The following FARS2 variants were observed in gnomAD, a reference collection of about 807,000 sequenced individuals.
FARS2 encodes phenylalanine--tRNA ligase, mitochondrial.
FARS2 carries 40 observed loss-of-function variants against 46.4 expected under a neutral mutation model. That is an observed-to-expected ratio of 0.86 (90% CI 0.67 to 1.12). The LOEUF is 1.12. FARS2 is among the 50% of genes most tolerant of loss of function. FARS2 has a pLI of 0.00. For missense variants in FARS2, 513 were observed against 567.9 expected (o/e 0.90, Z 0.98); for synonymous variants, 234 against 214.9 (o/e 1.09, Z -0.78).
intron 6 of FARS2, among the ~76,000 whole-genome samples, chr6:5,766,964 A>G (rs1762782627): frequency 1.3e-5 from 2 of 148,164 alleles, no homozygotes; most frequent in Admixed American, 6.8e-5. Flanking sequence ...TCCACATTCC[A>G]TCTAGTATCC....
intron 6 of FARS2, among the ~76,000 whole-genome samples, chr6:5,703,264 C>A (rs1028092903): frequency 6.6e-6 from 1 of 152,146 alleles, no homozygotes; most frequent in African/African-American, 2.4e-5. Flanking sequence ...GAACCAAGCA[C>A]AATCCACGCT....
At chr6:5,481,118 C>T (rs180936176) in intron 4 of FARS2, among the ~76,000 whole-genome samples, 261 of 152,318 alleles carry the variant, frequency 1.7e-3, no homozygotes, top group African/African-American at 6.1e-3. Context: ...TTTCAACTCC[C>T]TGTCTCTCCC....
chr6:5,707,149 G>T (rs1339309465), intron 6 of FARS2, among the ~76,000 whole-genome samples: 1 of 152,148 alleles, frequency 6.6e-6, no homozygotes, highest in East Asian at 1.9e-4. Flanking sequence ...TTTGCCGAAA[G>T]GAATGAATGT....
intron 1 of FARS2, among the ~76,000 whole-genome samples, chr6:5,342,551 G>A (rs759185794): frequency 3.3e-5 from 5 of 151,982 alleles, no homozygotes; most frequent in East Asian, 1.9e-4. Context: ...TCGGGAGTTC[G>A]AGACCAGCCT....
At chr6:5,509,099 T>A (rs1353274250) in intron 4 of FARS2, among the ~76,000 whole-genome samples, 1 of 152,204 alleles carries the variant, frequency 6.6e-6, no homozygotes, top group Non-Finnish European at 1.5e-5. Context: ...CACACCATAG[T>A]TTGCCAATCC....
intron 6 of FARS2, among the ~76,000 whole-genome samples, chr6:5,758,343 A>G (rs1762316261): frequency 6.6e-6 from 1 of 152,188 alleles, no homozygotes; most frequent in Admixed American, 6.5e-5. Flanking sequence ...TTGGCTCTAA[A>G]TGTTGCCGGG....
chr6:5,476,648 G>A (rs1310089785), intron 4 of FARS2, among the ~76,000 whole-genome samples: 2 of 152,172 alleles, frequency 1.3e-5, no homozygotes, highest in Non-Finnish European at 1.5e-5. Context: ...ATGGGGAGGG[G>A]TTGGAGAGGG....
At chr6:5,531,344 A>T (rs1412615012) in intron 4 of FARS2, among the ~76,000 whole-genome samples, 1 of 152,150 alleles carries the variant, frequency 6.6e-6, no homozygotes, top group Non-Finnish European at 1.5e-5. Context: ...ACTGCGCAGG[A>T]CCGTTGGGAA....
chr6:5,578,617 G>A (rs1183227066), intron 5 of FARS2, among the ~76,000 whole-genome samples: 1 of 151,940 alleles, frequency 6.6e-6, no homozygotes, highest in East Asian at 1.9e-4. Flanking sequence ...ACACCATCCT[G>A]GCTAACACAG....
chr6:5,480,306 G>A lies in FARS2; in HGVS notation c.904+49134G>A, dbSNP rs73354502. On this transcript the variant is annotated intron_variant, in intron 4 of 6. Transcript: ENST00000274680. Reference sequence around the variant, plus strand: ...AAATTAATTGCACAACTCCAGAGTGGAAAGAAGTGGAGGATGTAATTTGTC... The same window carrying A: ...AAATTAATTGCACAACTCCAGAGTGAAAAGAAGTGGAGGATGTAATTTGTC... Among the ~76,000 whole-genome samples, 1,060 of 152,310 alleles carry A rather than the reference G, an allele frequency of 7.0e-3. 19 individuals are homozygous for A. The highest frequency in any genetic ancestry group is 0.023 in the African/African-American group (974 of 41,558).
chr6:5,623,741 T>G (rs946328218), intron 6 of FARS2, among the ~76,000 whole-genome samples: 3 of 151,258 alleles, frequency 2.0e-5, no homozygotes, highest in African/African-American at 7.4e-5. Flanking sequence ...AATAAAGACT[T>G]TGTAAAGTGG....
At chr6:5,399,985 A>G (rs1483424553) in intron 2 of FARS2, among the ~76,000 whole-genome samples, 2 of 152,172 alleles carry the variant, frequency 1.3e-5, no homozygotes, top group Non-Finnish European at 2.9e-5. Flanking sequence ...AGTAGTTAGA[A>G]ATGGAAGGAC....
chr6:5,290,807 A>G (rs1031237983), intron 1 of FARS2, among the ~76,000 whole-genome samples: 2 of 152,076 alleles, frequency 1.3e-5, no homozygotes, highest in Non-Finnish European at 2.9e-5. Flanking sequence ...TGTAGCCTCC[A>G]CCTCCTTCCA....
chr6:5,343,567 T>C lies in FARS2; in HGVS notation c.-21-24983T>C, dbSNP rs547169926. 6.6e-4 allele frequency among the ~76,000 whole-genome samples: 101 copies of C among 152,352 alleles called. No individual in the cohort carries two copies. The highest frequency in any genetic ancestry group is 2.3e-3 in the African/African-American group (94 of 41,580). Reference sequence around the variant, plus strand: ...AAGTGTGCATTCCATAACAGTTGGATATAAAAATATACATTTTATAACTAG... The same window carrying C: ...AAGTGTGCATTCCATAACAGTTGGACATAAAAATATACATTTTATAACTAG... On this transcript the variant is annotated intron_variant, in intron 1 of 6. Transcript: ENST00000274680. This position sits in a 1 kb window ranked among gnomAD's most constrained non-coding sequence, Gnocchi z 4.5.
At chr6:5,265,005 A>G (rs1220007759) in intron 1 of FARS2, among the ~76,000 whole-genome samples, 1 of 139,246 alleles carries the variant, frequency 7.2e-6, no homozygotes, top group Non-Finnish European at 1.5e-5. Context: ...AGATTTCACT[A>G]TGATGTCCAG....
Position 5,321,442 on chromosome 6 carries a change from C to T in FARS2, c.-21-47108C>T, listed in dbSNP as rs569902028. Among the ~76,000 whole-genome samples the T allele has an allele frequency of 3.9e-5, 6 of 152,154 alleles. No homozygotes were observed. The East Asian group carries it at 1.2e-3, about 29-fold the overall frequency. Reference sequence around the variant, plus strand: ...AGTGTGAGCAGAGGATGGAGTGTCGCCTGTGGGATGTGTTGGGGGAAACCT... The same window carrying T: ...AGTGTGAGCAGAGGATGGAGTGTCGTCTGTGGGATGTGTTGGGGGAAACCT... On this transcript the variant is annotated intron_variant, in intron 1 of 6. Transcript: ENST00000274680.
intron 6 of FARS2, among the ~76,000 whole-genome samples, chr6:5,760,287 C>T (rs1284709145): frequency 2.0e-5 from 3 of 152,164 alleles, no homozygotes; most frequent in Admixed American, 2.0e-4. Context: ...AGGGTGATGC[C>T]GCAGTGAACT....
At chr6:5,683,502 A>T (rs1364617647) in intron 6 of FARS2, among the ~76,000 whole-genome samples, 3 of 151,998 alleles carry the variant, frequency 2.0e-5, no homozygotes, top group Admixed American at 1.3e-4. Context: ...CAGGAAAAGG[A>T]TTTCTAGGGA....
At chr6:5,640,820 C>T (rs1442071405) in intron 6 of FARS2, among the ~76,000 whole-genome samples, 1 of 152,206 alleles carries the variant, frequency 6.6e-6, no homozygotes, top group Non-Finnish European at 1.5e-5. Flanking sequence ...ACCTTTCTGA[C>T]ACCCCACTCC....
Sources: allele counts gnomAD v4.1 joint callset (sites outside exome capture counted in the v4.1 genomes callset), GRCh38; gene constraint gnomAD v4.1.1; non-coding constraint Gnocchi (gnomAD v3.1); transcripts MANE v1.5; gene names NCBI Gene and HGNC (gene_info 2026-07-23, HGNC 2026-07-21).